EPS15: variants seen among roughly 807,000 people sequenced by gnomAD.
EPS15 encodes epidermal growth factor receptor pathway substrate 15, also known as epidermal growth factor receptor substrate 15.
Under a neutral mutation model 113.8 loss-of-function variants are expected in EPS15, and 72 were observed. That is an observed-to-expected ratio of 0.63 (90% confidence interval 0.52 to 0.77). EPS15 has a LOEUF of 0.77. EPS15 is among the 30% of genes least tolerant of loss of function. The pLI, the probability that EPS15 is intolerant of heterozygous loss-of-function variation, is 0.00. For synonymous variants in EPS15, 344 were observed against 363.4 expected, an observed-to-expected ratio of 0.95 and a Z score of 0.61; for missense variants, 1,048 against 1,045.8, an observed-to-expected ratio of 1.00 and a Z score of -0.03.
At position 51,472,958 on chromosome 1, in the gene EPS15, T is replaced by C. The variant is rs908763328; in HGVS notation, c.76-10A>G. On this transcript the variant is annotated splice_polypyrimidine_tract_variant and intron_variant, in intron 2 of 24. Transcript: ENST00000371733. ...TATTGCCTGTATCAACCTGAAAAGATACAAATCCGTAAGTTGACAACAAAA... is the reference window on the plus strand; with the variant it reads ...TATTGCCTGTATCAACCTGAAAAGACACAAATCCGTAAGTTGACAACAAAA... The C allele has an allele frequency of 3.7e-6, 6 of 1,602,882 alleles. No individual in the cohort carries two copies. Among genetic ancestry groups the C allele is most frequent in the Middle Eastern group, 1.7e-4 (1 of 6,032 alleles).
At chr1:51,410,769 G>A (rs1649637070) in intron 13 of EPS15, among the ~76,000 whole-genome samples, 1 of 152,144 alleles carries the variant, frequency 6.6e-6, no homozygotes, top group South Asian at 2.1e-4. Flanking sequence ...GAACAGAAGA[G>A]AAACTTACAG....
intron 20 of EPS15, among the ~76,000 whole-genome samples, chr1:51,395,793 C>G (rs1047690621): frequency 6.6e-6 from 1 of 152,126 alleles, no homozygotes; most frequent in African/African-American, 2.4e-5. Flanking sequence ...AAAGACTTGG[C>G]AAACAGGTAA....
chr1:51,469,934 TCTC>T (rs1305145767), intron 4 of EPS15, among the ~76,000 whole-genome samples: 1 of 151,902 alleles, frequency 6.6e-6, no homozygotes, highest in Non-Finnish European at 1.5e-5. Flanking sequence ...TCCTGGAAGC[TCTC>T]CTCCACCAAA....
At chr1:51,512,641 A>C (rs923687024) in intron 1 of EPS15, among the ~76,000 whole-genome samples, 4 of 152,168 alleles carry the variant, frequency 2.6e-5, no homozygotes, top group Admixed American at 6.5e-5. Flanking sequence ...TTTATAAAAA[A>C]AGAAATACAA....
chr1:51,457,070 G>A (rs938057895), intron 8 of EPS15, among the ~76,000 whole-genome samples: 1 of 152,054 alleles, frequency 6.6e-6, no homozygotes, highest in Non-Finnish European at 1.5e-5. Flanking sequence ...CAGATCACGA[G>A]GTCAGGAGAT....
intron 2 of EPS15, among the ~76,000 whole-genome samples, chr1:51,476,488 G>A (rs1193339863): frequency 1.3e-5 from 2 of 152,122 alleles, no homozygotes; most frequent in African/African-American, 4.8e-5. Flanking sequence ...TTTGCATAGA[G>A]GTGTTTATAG....
At chr1:51,481,396 G>C in intron 1 of EPS15, 82 bp from the exon 2 acceptor site, 2 of 723,928 alleles carry the variant, frequency 2.8e-6, no homozygotes, top group Non-Finnish European at 5.0e-6. Flanking sequence ...ACAGATATTT[G>C]AGAAACAAAG....
In EPS15 at chr1:51,448,089, A is replaced by G. The variant is rs1653216258; in HGVS notation, c.608T>C (p.Met203Thr). The G allele has an allele frequency of 6.2e-7, 1 of 1,613,872 alleles. No individual in the cohort carries two copies. The highest frequency in any genetic ancestry group is 1.1e-5 in the South Asian group (1 of 91,078). The change falls in exon 9 of 25, where the codon ATG (methionine) becomes ACG (threonine). Residue 203 changes from methionine to threonine, a missense_variant. Coordinates refer to ENST00000371733, the MANE Select transcript of EPS15 (RefSeq NM_001981.3). ...YCALEKEPVPMSLPPALVPPS... is the reference protein window; with the variant it reads ...YCALEKEPVPTSLPPALVPPS... ...TGGCACCAAGGCTGGAGGCAAGGAC[A>G]TTGGCACAGGTTCTTTCTCCAGTGC...
At chr1:51,498,081 C>A (rs1350536790) in intron 1 of EPS15, among the ~76,000 whole-genome samples, 1 of 151,924 alleles carries the variant, frequency 6.6e-6, no homozygotes, top group Non-Finnish European at 1.5e-5. Context: ...CCCCCCTTTT[C>A]CAACTAGTCG....
intron 12 of EPS15, among the ~76,000 whole-genome samples, chr1:51,434,732 C>T (rs572800247): frequency 2.4e-4 from 37 of 152,222 alleles, no homozygotes; most frequent in Non-Finnish European, 4.4e-4. Context: ...AGTGCAGTGG[C>T]GTAATCTCGG....
intron 22 of EPS15, among the ~76,000 whole-genome samples, chr1:51,365,152 G>A (rs949872531): frequency 1.3e-5 from 2 of 152,144 alleles, no homozygotes; most frequent in Non-Finnish European, 2.9e-5. Context: ...ATCTTAATGT[G>A]TGTCTGAAGA....
At chr1:51,467,909 G>A (rs368179720) in intron 5 of EPS15, among the ~76,000 whole-genome samples, 2 of 152,058 alleles carry the variant, frequency 1.3e-5, no homozygotes, top group Non-Finnish European at 2.9e-5. Flanking sequence ...GTTGGGGACC[G>A]TTAATATATA....
At chr1:51,423,270 G>A (rs1650935205) in intron 12 of EPS15, 1 of 1,288,286 alleles carries the variant, frequency 7.8e-7, no homozygotes, top group Non-Finnish European at 1.0e-6. Flanking sequence ...CCCTTACCAT[G>A]AGAATCATTG....
chr1:51,445,642 TAA>T (rs1013753250), intron 10 of EPS15, among the ~76,000 whole-genome samples: 6 of 141,310 alleles, frequency 4.2e-5, no homozygotes, highest in Non-Finnish European at 3.1e-5. Flanking sequence ...TTTCTGTAAT[TAA>T]AAAAAAAAAA....
At chr1:51,401,963 C>T (rs1174263108) in intron 18 of EPS15, among the ~76,000 whole-genome samples, 1 of 152,164 alleles carries the variant, frequency 6.6e-6, no homozygotes, top group Non-Finnish European at 1.5e-5. Context: ...ATGGTGAAAC[C>T]CCGCCTCTAC....
chr1:51,405,526 A>G (rs1570225762), intron 16 of EPS15, among the ~76,000 whole-genome samples: 1 of 152,040 alleles, frequency 6.6e-6, no homozygotes, highest in African/African-American at 2.4e-5. Context: ...ATGAAACCCC[A>G]TCTCTACTAA....
rs150007238 is a variant in EPS15 at position 51,485,304 on chromosome 1, G to A, written c.34-3990C>T. Among the ~76,000 whole-genome samples the A allele has an allele frequency of 1.8e-3, 271 of 152,340 alleles. 2 individuals carry two copies. The highest frequency in any genetic ancestry group is 6.0e-3 in the African/African-American group (250 of 41,574). On this transcript the variant is annotated intron_variant, in intron 1 of 24. Transcript: ENST00000371733. ...CCTTGCAACCTGTCATCGGACTTCC[G>A]AGGCTAGTACTTTCAAAAAACTACT... is the stretch of plus-strand genomic sequence containing the variant.
At chr1:51,460,161 T>C (rs912752718) in intron 8 of EPS15, among the ~76,000 whole-genome samples, 1 of 152,262 alleles carries the variant, frequency 6.6e-6, no homozygotes, top group Admixed American at 6.5e-5. Context: ...GTATCACAAA[T>C]TTGTAGCAAC....
At chr1:51,464,263 G>A (rs558392852) in intron 6 of EPS15, among the ~76,000 whole-genome samples, 12 of 145,472 alleles carry the variant, frequency 8.2e-5, no homozygotes, top group African/African-American at 1.3e-4. Context: ...TTTTTGAGAC[G>A]GAGTCTTGCA....
Sources: gnomAD v4.1 joint callset for allele counts (sites outside exome capture counted in the v4.1 genomes callset) on GRCh38, gnomAD v4.1.1 for gene constraint, MANE v1.5 for transcripts, NCBI Gene and HGNC (gene_info 2026-07-23, HGNC 2026-07-21) for gene names.